The following NTRK3 variants were observed in gnomAD, a reference collection of about 807,000 sequenced individuals.
NTRK3 encodes the protein NT-3 growth factor receptor.
A neutral mutation model predicts 91.7 loss-of-function variants in NTRK3; 24 were observed. The observed-to-expected ratio is 0.26, with a 90% CI of 0.19 to 0.37. The LOEUF (loss-of-function observed/expected upper bound fraction) is 0.37, where lower values mean the gene tolerates loss of function less well. NTRK3 is among the 10% of genes least tolerant of loss of function. The pLI is 1.00. For synonymous variants in NTRK3, 483 were observed against 404.0 expected, an observed-to-expected ratio of 1.20 and a Z score of -2.34; for missense variants, 880 against 1,068.9, an observed-to-expected ratio of 0.82 and a Z score of 2.46.
chr15:87,992,680 G>T (rs1017304572), intron 14 of NTRK3, among the ~76,000 whole-genome samples: 3 of 152,228 alleles, frequency 2.0e-5, no homozygotes, highest in Non-Finnish European at 4.4e-5. Context: ...GGGAGAACTG[G>T]TATGGACCCT....
intron 17 of NTRK3, among the ~76,000 whole-genome samples, chr15:87,904,346 C>T (rs143747385): frequency 7.9e-5 from 12 of 151,320 alleles, no homozygotes; most frequent in East Asian, 1.9e-4. Context: ...TTAGTAGAGA[C>T]GGGGTTTCAC....
chr15:87,864,311 G>C (rs1011994956), exon 19 of NTRK3: 1 of 231,718 alleles, frequency 4.3e-6, no homozygotes, highest in Admixed American at 5.6e-5. Context: ...CTTTACTTTG[G>C]GATATGAATA....
intron 14 of NTRK3, among the ~76,000 whole-genome samples, chr15:87,953,502 G>A (rs1010865887): frequency 3.3e-5 from 5 of 152,312 alleles, no homozygotes; most frequent in African/African-American, 9.6e-5. Context: ...GACATTGGAG[G>A]TCAAGTGGTT....
At chr15:87,902,855 G>A (rs551113551) in intron 17 of NTRK3, among the ~76,000 whole-genome samples, 4 of 152,164 alleles carry the variant, frequency 2.6e-5, no homozygotes, top group East Asian at 1.9e-4. Context: ...TGTAAAAACC[G>A]ACATGCCCAG....
chr15:87,895,920 C>A (rs2066094942), intron 17 of NTRK3, among the ~76,000 whole-genome samples: 1 of 151,940 alleles, frequency 6.6e-6, no homozygotes, highest in African/African-American at 2.4e-5. Flanking sequence ...ATAAATTCAA[C>A]CAATTGTCAA....
chr15:88,142,075 C>A (rs763180533), intron 6 of NTRK3, among the ~76,000 whole-genome samples: 26 of 152,354 alleles, frequency 1.7e-4, no homozygotes, highest in Middle Eastern at 3.4e-3. Context: ...GCCCACTGAG[C>A]AAATCCACAA....
intron 13 of NTRK3, among the ~76,000 whole-genome samples, chr15:88,052,928 AT>A (rs2045358635): frequency 6.6e-6 from 1 of 152,134 alleles, no homozygotes; most frequent in South Asian, 2.1e-4. Context: ...TGGAAGCCTT[AT>A]TAGCTGTGTA....
chr15:87,862,729 C>A (rs1352451860), exon 19 of NTRK3: 1 of 229,554 alleles, frequency 4.4e-6, no homozygotes, highest in Admixed American at 5.7e-5. Flanking sequence ...TTCAGTCTGG[C>A]CTGAAGAATG....
intron 17 of NTRK3, among the ~76,000 whole-genome samples, chr15:87,917,843 A>G (rs952482218): frequency 6.6e-6 from 1 of 152,178 alleles, no homozygotes; most frequent in African/African-American, 2.4e-5. Flanking sequence ...CCTTACCAGA[A>G]GCAGATGCTG....
chr15:88,006,334 G>A lies in NTRK3; in HGVS notation c.1585+26523C>T, dbSNP rs182684191. Among the ~76,000 whole-genome samples, 31 of 152,280 alleles carry A rather than the reference G, an allele frequency of 2.0e-4. No homozygotes were observed. The East Asian group carries it at 4.8e-3, about 24-fold the overall frequency. ...TTCTGCAGCTATTAATATCTTACAC[G>A]TCTCAGGTGTCTTTCCAGGCAAAGT... On this transcript the variant is annotated intron_variant, in intron 14 of 18. Transcript: ENST00000394480.
chr15:87,873,470 T>C (rs1439720821), exon 19 of NTRK3: 2 of 231,232 alleles, frequency 8.6e-6, no homozygotes, highest in African/African-American at 4.4e-5. Flanking sequence ...TCTCACTCAG[T>C]CCAGGAGAGG....
chr15:88,044,452 A>G (rs1040685176), intron 13 of NTRK3, among the ~76,000 whole-genome samples: 11 of 151,496 alleles, frequency 7.3e-5, no homozygotes, highest in Non-Finnish European at 1.0e-4. Flanking sequence ...TAGTAGAGAC[A>G]GGGTTTCACT....
chr15:88,065,331 T>C (rs1326953567), intron 13 of NTRK3, among the ~76,000 whole-genome samples: 2 of 152,172 alleles, frequency 1.3e-5, no homozygotes, highest in Non-Finnish European at 2.9e-5. Context: ...TTCTTCTTAG[T>C]CCTGTTTCCA....
intron 13 of NTRK3, among the ~76,000 whole-genome samples, chr15:88,044,212 G>A (rs1297907832): frequency 1.3e-5 from 2 of 150,608 alleles, no homozygotes; most frequent in African/African-American, 4.9e-5. Flanking sequence ...ACAGCTAGTA[G>A]GTAGCAGTGT....
chr15:87,927,552 T>C (rs1266321489), intron 17 of NTRK3: 1 of 152,132 alleles, frequency 6.6e-6, no homozygotes, highest in Non-Finnish European at 1.5e-5. Flanking sequence ...ATACACTGAA[T>C]GTTTGTGTAC....
At chr15:87,873,593 T>C (rs144521755) in exon 19 of NTRK3, 713 of 232,010 alleles carry the variant, frequency 3.1e-3, no homozygotes, top group Non-Finnish European at 4.5e-3. Context: ...TGTGACATGG[T>C]CTTCTAAAAG....
At chr15:88,067,661 T>A (rs902175183) in intron 13 of NTRK3, among the ~76,000 whole-genome samples, 1 of 152,146 alleles carries the variant, frequency 6.6e-6, no homozygotes, top group Non-Finnish European at 1.5e-5. Context: ...CTGCCCTGGA[T>A]GAGTCCACCC....
At chr15:87,901,017 A>T (rs1376949985) in intron 17 of NTRK3, among the ~76,000 whole-genome samples, 2 of 152,096 alleles carry the variant, frequency 1.3e-5, no homozygotes, top group African/African-American at 2.4e-5. Flanking sequence ...CTACTCTACA[A>T]CTGGGTCCTG....
chr15:88,115,385 C>G (rs561412554), intron 13 of NTRK3, among the ~76,000 whole-genome samples: 6 of 152,232 alleles, frequency 3.9e-5, no homozygotes, highest in African/African-American at 7.2e-5. Context: ...AGGCCAACAA[C>G]AGGGTGCCCC....
Sources: gnomAD v4.1 joint callset for allele counts (sites outside exome capture counted in the v4.1 genomes callset) on GRCh38, gnomAD v4.1.1 for gene constraint, MANE v1.5 for transcripts, NCBI Gene and HGNC (gene_info 2026-07-23, HGNC 2026-07-21) for gene names.